KDM7A: variants seen among roughly 807,000 people sequenced by gnomAD.
KDM7A encodes lysine demethylase 7A, also known as lysine-specific demethylase 7A.
KDM7A carries 28 observed loss-of-function variants against 114.8 expected under a neutral mutation model. That is an observed-to-expected ratio of 0.24 (90% CI 0.18 to 0.33). The LOEUF (loss-of-function observed/expected upper bound fraction) is 0.33. Ranked by LOEUF, KDM7A falls within the 10% of genes least tolerant of loss-of-function variation. The pLI is 1.00. For synonymous variants in KDM7A, 423 were observed against 397.8 expected (o/e 1.06, Z -0.75); for missense variants, 942 against 1,142.5 (o/e 0.82, Z 2.53).
rs1415783512 is a variant in KDM7A, at chr7:140,091,184, T to C, written c.2736A>G (p.Lys912=). 1.9e-6 allele frequency: 3 copies of C among 1,610,706 alleles called. No individual in the cohort carries two copies. Among genetic ancestry groups the C allele is most frequent in the Non-Finnish European group, 2.5e-6 (3 of 1,176,870 alleles). The change falls in exon 20 of 20, where the codon AAA becomes AAG. Residue 912 remains lysine (K), a synonymous_variant. Transcript: ENST00000397560. ...PPISNQATKG[K]RPKKGMATAK... Reference sequence around the variant, plus strand: ...CTGTTGCCATTCCTTTTTTTGGACGTTTACCTATAAAACACCAAAAGGGAG... The same window carrying C: ...CTGTTGCCATTCCTTTTTTTGGACGCTTACCTATAAAACACCAAAAGGGAG...
In KDM7A at chr7:140,087,790, T is replaced by C. The variant is rs947848433; in HGVS notation, c.*3304A>G. ...TTACCAAGTTGAAGCATTTCTTTAA[T>C]TGTGAAATTACTTTCACTTCTACAG... is the stretch of plus-strand genomic sequence containing the variant. On this transcript the variant is annotated 3_prime_UTR_variant, in exon 20 of 20. Coordinates refer to ENST00000397560, the MANE Select transcript of KDM7A (RefSeq NM_030647.2). The C allele has an allele frequency of 2.0e-5, 3 of 152,230 alleles. No homozygotes were observed. The highest frequency in any genetic ancestry group is 2.1e-4 in the South Asian group (1 of 4,838). 9.4% of individuals were successfully genotyped at this position (152,230 alleles called of 1,614,324 possible).
chr7:140,120,293 T>C (rs1042038849), intron 8 of KDM7A, 149 bp downstream of exon 8: 16 of 460,176 alleles, frequency 3.5e-5, no homozygotes, highest in Middle Eastern at 8.5e-4. Flanking sequence ...ATACTACTTT[T>C]GTTAAAAGCT....
intron 1 of KDM7A, among the ~76,000 whole-genome samples, chr7:140,148,567 T>C (rs1262919469): frequency 1.3e-5 from 2 of 152,186 alleles, no homozygotes; most frequent in Non-Finnish European, 2.9e-5. Flanking sequence ...TAAGGCTTAT[T>C]AATTGGCTTA....
chr7:140,104,155 GTTGT>G (rs200711515), intron 11 of KDM7A, among the ~76,000 whole-genome samples: 1,590 of 152,238 alleles, frequency 0.01, 22 homozygotes, highest in African/African-American at 0.037. Context: ...TGTTGATGGG[GTTGT>G]TTGATTTTTT....
chr7:140,135,695 C>T lies in KDM7A; in HGVS notation c.281-2039G>A, dbSNP rs556126472. Among the ~76,000 whole-genome samples, 3 of 152,050 alleles carry T rather than the reference C, an allele frequency of 2.0e-5. No homozygotes were observed. The East Asian group carries it at 5.8e-4, about 29-fold the overall frequency. On this transcript the variant is annotated intron_variant, in intron 2 of 19. Transcript: ENST00000397560. ...TGAATCTTTCTTCAAAGTTGAAATT[C>T]ATGTTTGTATATATTAATGTTTCCC...
chr7:140,122,385 T>G (rs750917208), intron 7 of KDM7A, among the ~76,000 whole-genome samples: 52 of 152,336 alleles, frequency 3.4e-4, no homozygotes, highest in Non-Finnish European at 3.5e-4. Context: ...AATTTATGAT[T>G]ATATTAGAAA....
chr7:140,114,543 C>T (rs1315823267), intron 9 of KDM7A, among the ~76,000 whole-genome samples: 3 of 152,188 alleles, frequency 2.0e-5, no homozygotes, highest in Non-Finnish European at 4.4e-5. Context: ...AGCCGCCTGC[C>T]TTGGCCTCCC....
rs1218428905 is a variant in KDM7A at position 140,163,216 on chromosome 7, A to G, written c.194+13528T>C. ...TCACCGTGTTAGCCAGAATGATCTCAATCTCCTGACCTCATGATCCACCTG... is the reference window on the plus strand; with the variant it reads ...TCACCGTGTTAGCCAGAATGATCTCGATCTCCTGACCTCATGATCCACCTG... On this transcript the variant is annotated intron_variant, in intron 1 of 19. Transcript: ENST00000397560. Among the ~76,000 whole-genome samples the G allele has an allele frequency of 3.3e-5, 5 of 151,930 alleles. No individual in the cohort carries two copies. In the South Asian group the frequency reaches 6.2e-4, roughly 19 times the overall value.
intron 11 of KDM7A, among the ~76,000 whole-genome samples, chr7:140,109,140 G>A (rs1217666017): frequency 6.6e-6 from 1 of 152,214 alleles, no homozygotes; most frequent in African/African-American, 2.4e-5. Flanking sequence ...TAAGGTGGGA[G>A]TGTCCTGATT....
intron 4 of KDM7A, among the ~76,000 whole-genome samples, chr7:140,128,260 T>C (rs570954465): frequency 1.3e-5 from 2 of 152,322 alleles, no homozygotes; most frequent in Admixed American, 1.3e-4. Flanking sequence ...ACTGCTACAC[T>C]AGGAAGCATA....
At chr7:140,160,919 C>T (rs1428046956) in intron 1 of KDM7A, among the ~76,000 whole-genome samples, 4 of 152,130 alleles carry the variant, frequency 2.6e-5, no homozygotes. Context: ...TGCGTTCACC[C>T]AGTCACCATG....
At position 140,089,116 on chromosome 7, in the gene KDM7A, G is replaced by T. The variant is rs1817979426; in HGVS notation, c.*1978C>A. On this transcript the variant is annotated 3_prime_UTR_variant, in exon 20 of 20. Transcript: ENST00000397560. ...GAATATACTGTGTGGGAAGGTAGGG[G>T]AATCAGTCAAACCCAGATTTTTGAC... is the stretch of plus-strand genomic sequence containing the variant. 6.6e-6 allele frequency: 1 copy of T among 152,062 alleles called. No homozygotes were observed. Among genetic ancestry groups the T allele is most frequent in the Non-Finnish European group, 1.5e-5 (1 of 68,012 alleles). The allele number at this position is 152,062 out of a possible 1,614,324, so 9.4% of individuals were successfully genotyped here.
rs965340313 is a variant in KDM7A, at chr7:140,094,292, G to A, written c.2375-154C>T. Among the ~76,000 whole-genome samples, 95 of 152,244 alleles carry A rather than the reference G, an allele frequency of 6.2e-4. 1 individual carries two copies. Among genetic ancestry groups the A allele is most frequent in the African/African-American group, 2.2e-3 (93 of 41,462 alleles). On this transcript the variant is annotated intron_variant, in intron 17 of 19. Transcript: ENST00000397560. ...GGCCAAGGCAGGTCAATCACTTGAA[G>A]TCAGGAGTTCGAGACCAGCCTGGCC...
At chr7:140,159,956 A>AC (rs937497098) in intron 1 of KDM7A, among the ~76,000 whole-genome samples, 3 of 151,586 alleles carry the variant, frequency 2.0e-5, no homozygotes, top group Admixed American at 6.6e-5. Flanking sequence ...AAAAAAAAAA[A>AC]AAAAAAAAAC....
At chr7:140,132,646 CAA>C (rs1340660026) in intron 3 of KDM7A, among the ~76,000 whole-genome samples, 3 of 152,168 alleles carry the variant, frequency 2.0e-5, no homozygotes, top group Non-Finnish European at 4.4e-5. Context: ...TTTAACACCA[CAA>C]AAATCACGTG....
intron 12 of KDM7A, 83 bp from the exon 13 acceptor site, chr7:140,100,106 TC>T: frequency 7.2e-7 from 1 of 1,396,306 alleles, no homozygotes; most frequent in South Asian, 1.2e-5. Context: ...TACCACCACC[TC>T]CCCCATGGTC....
chr7:140,106,296 CTCTGA>C (rs1818337337), intron 11 of KDM7A, among the ~76,000 whole-genome samples: 1 of 152,118 alleles, frequency 6.6e-6, no homozygotes, highest in Non-Finnish European at 1.5e-5. Flanking sequence ...TTCAGTTCTG[CTCTGA>C]TCTTAGTTAT....
In KDM7A at chr7:140,101,999, G is replaced by A. The variant is rs529444149; in HGVS notation, c.1590C>T (p.Leu530=). 5.6e-5 allele frequency: 91 copies of A among 1,613,856 alleles called. No homozygotes were observed. The South Asian group carries it at 8.9e-4, about 16-fold the overall frequency. ...ATCTTTTGAGGACCTCCCTTGTGTG[G>A]AGCTCTAGGATGTCTAGGTTAGAAG... ...RTPSNLDILE[L]HTREVLKRLE... Residue 530 remains leucine, a synonymous_variant, in exon 12 of 20, where the codon CTC becomes CTT. Coordinates refer to ENST00000397560, the MANE Select transcript of KDM7A (RefSeq NM_030647.2).
chr7:140,132,513 C>G (rs573465477), intron 3 of KDM7A, among the ~76,000 whole-genome samples: 2 of 152,252 alleles, frequency 1.3e-5, no homozygotes, highest in East Asian at 3.9e-4. Flanking sequence ...CCACCAGAAG[C>G]AGACTGAAAA....
Sources: allele counts gnomAD v4.1 joint callset (sites outside exome capture counted in the v4.1 genomes callset), GRCh38; gene constraint gnomAD v4.1.1; transcripts MANE v1.5; gene names NCBI Gene and HGNC (gene_info 2026-07-23, HGNC 2026-07-21).